The following KLHL29 variants were observed in gnomAD, a reference collection of about 807,000 sequenced individuals.
The protein encoded by KLHL29 is kelch-like protein 29.
KLHL29 carries 21 observed loss-of-function variants against 80.4 expected under a neutral mutation model. The observed-to-expected ratio is 0.26, with a 90% CI of 0.19 to 0.38. KLHL29 has a LOEUF of 0.38. Among genes scored for constraint, KLHL29 ranks in the 10% least tolerant of loss-of-function variants. KLHL29 has a pLI of 1.00. For synonymous variants in KLHL29, 511 were observed against 526.8 expected, an observed-to-expected ratio of 0.97 and a Z score of 0.41; for missense variants, 867 against 1,223.9, an observed-to-expected ratio of 0.71 and a Z score of 4.35.
At position 23,553,499 on chromosome 2, in the gene KLHL29, TACACGTGGCCCCTGCAA is replaced by T. The variant is rs1474600567; in HGVS notation, c.-45-8650_-45-8634del. On this transcript the variant is annotated intron_variant, in intron 2 of 13. Coordinates refer to ENST00000486442, the MANE Select transcript of KLHL29 (RefSeq NM_052920.2). ...GAGGCCTTGGGTCCAGGCTGGCACC[TACACGTGGCCCCTGCAA>T]ACCCCACATTTCATGTCCACTTGGA... Among the ~76,000 whole-genome samples, 5 of 152,324 alleles carry T rather than the reference TACACGTGGCCCCTGCAA, an allele frequency of 3.3e-5. No individual in the cohort carries two copies. In the South Asian group the frequency reaches 1.0e-3, roughly 32 times the overall value.
At chr2:23,632,024 T>G (rs940553813) in intron 3 of KLHL29, among the ~76,000 whole-genome samples, 1 of 152,190 alleles carries the variant, frequency 6.6e-6, no homozygotes, top group African/African-American at 2.4e-5. Context: ...GGCACATTTT[T>G]GGGTCCCTCG....
intron 1 of KLHL29, among the ~76,000 whole-genome samples, chr2:23,413,030 A>G (rs999063838): frequency 3.9e-4 from 60 of 152,034 alleles, no homozygotes; most frequent in African/African-American, 1.4e-3. Flanking sequence ...TCTTTGGGCA[A>G]TTTTCTCGTT....
intron 5 of KLHL29, among the ~76,000 whole-genome samples, chr2:23,671,740 A>G (rs547654504): frequency 4.3e-4 from 65 of 152,328 alleles, no homozygotes; most frequent in African/African-American, 1.5e-3. Flanking sequence ...CCGAATGGAA[A>G]GAGAGTAGGA....
intron 2 of KLHL29, among the ~76,000 whole-genome samples, chr2:23,542,910 C>A (rs1031473543): frequency 2.6e-5 from 4 of 152,170 alleles, no homozygotes; most frequent in Non-Finnish European, 5.9e-5. Flanking sequence ...AAGTCACTCC[C>A]AACTGTCTGA....
chr2:23,505,491 G>A (rs1212432796), intron 2 of KLHL29, among the ~76,000 whole-genome samples: 1 of 152,124 alleles, frequency 6.6e-6, no homozygotes, highest in Non-Finnish European at 1.5e-5. Flanking sequence ...CCATCTTTTT[G>A]TCCACATGTG....
intron 2 of KLHL29, among the ~76,000 whole-genome samples, chr2:23,556,567 C>T (rs1231036321): frequency 1.3e-5 from 2 of 151,764 alleles, no homozygotes; most frequent in Non-Finnish European, 2.9e-5. Context: ...GCAGGAGAAT[C>T]GCTTGAACCT....
intron 1 of KLHL29, among the ~76,000 whole-genome samples, chr2:23,386,958 G>T (rs948502487): frequency 1.3e-5 from 2 of 152,172 alleles, no homozygotes; most frequent in Non-Finnish European, 2.9e-5. Flanking sequence ...TGTCGTCCCT[G>T]GGCTGTGGAA....
At position 23,708,241 on chromosome 2, in the gene KLHL29, T is replaced by A. The variant is rs1352691388; in HGVS notation, c.*1577T>A. ...ATACCGAGCTTCGTTATGCAGTTTT[T>A]AATATTATTTATTATTTTAAAAAGT... On this transcript the variant is annotated 3_prime_UTR_variant, in exon 14 of 14. Coordinates refer to ENST00000486442, the MANE Select transcript of KLHL29 (RefSeq NM_052920.2). The A allele has an allele frequency of 6.6e-6, 1 of 151,578 alleles. No homozygotes were observed. The highest frequency in any genetic ancestry group is 2.4e-5 in the African/African-American group (1 of 40,834). The allele number at this position is 151,578 out of a possible 1,614,324, so 9.4% of individuals were successfully genotyped here.
chr2:23,548,060 C>T (rs1171692196), intron 2 of KLHL29, among the ~76,000 whole-genome samples: 5 of 94,250 alleles, frequency 5.3e-5, no homozygotes, highest in South Asian at 4.7e-4. Context: ...GTGGAACCCC[C>T]GGACTATGTC....
intron 2 of KLHL29, among the ~76,000 whole-genome samples, chr2:23,532,816 G>A (rs560223441): frequency 1.1e-4 from 17 of 152,292 alleles, no homozygotes; most frequent in South Asian, 8.3e-4. Flanking sequence ...ATCGAGGCGC[G>A]TTCAGGGTAA....
Position 23,562,069 on chromosome 2 carries a change from A to G in KLHL29, c.-45-83A>G, listed in dbSNP as rs1572402208. ...TGTTTGAAGGCCTGTTATTGAACCC[A>G]GAGAAGGGGCTTCATGGATGCTGTC... On this transcript the variant is annotated intron_variant, in intron 2 of 13. Coordinates refer to ENST00000486442, the MANE Select transcript of KLHL29 (RefSeq NM_052920.2). This position sits in a 1 kb window ranked among gnomAD's most constrained non-coding sequence, Gnocchi z 4.5. 6.6e-6 allele frequency: 7 copies of G among 1,061,274 alleles called. No homozygotes were observed. Among genetic ancestry groups the G allele is most frequent in the East Asian group, 2.6e-5 (1 of 38,520 alleles). The allele number at this position is 1,061,274 out of a possible 1,614,324, so 65.7% of individuals were successfully genotyped here.
intron 2 of KLHL29, among the ~76,000 whole-genome samples, chr2:23,544,534 A>G (rs1039060346): frequency 3.3e-5 from 5 of 152,226 alleles, no homozygotes; most frequent in Admixed American, 3.3e-4. Flanking sequence ...GCCCTTAGGG[A>G]ACTCACACTC....
At chr2:23,653,615 C>G (rs914803133) in intron 5 of KLHL29, among the ~76,000 whole-genome samples, 4 of 152,174 alleles carry the variant, frequency 2.6e-5, no homozygotes, top group Non-Finnish European at 5.9e-5. Flanking sequence ...GCAAGGTCAG[C>G]CAGGGCCACA....
intron 2 of KLHL29, among the ~76,000 whole-genome samples, chr2:23,540,610 T>C (rs1000257727): frequency 7.2e-5 from 11 of 152,230 alleles, no homozygotes; most frequent in Non-Finnish European, 1.2e-4. Context: ...CATAGAACTC[T>C]TTTGGTTGCA....
chr2:23,459,887 C>CT (rs1385153754), intron 1 of KLHL29, among the ~76,000 whole-genome samples: 1 of 152,102 alleles, frequency 6.6e-6, no homozygotes, highest in Non-Finnish European at 1.5e-5. Flanking sequence ...GAGTGATGGG[C>CT]TAAGGGGTGA....
chr2:23,482,530 G>A (rs1664824624), intron 2 of KLHL29, among the ~76,000 whole-genome samples: 1 of 152,170 alleles, frequency 6.6e-6, no homozygotes, highest in South Asian at 2.1e-4. Context: ...CATCCATCGG[G>A]GAAAGCACCA....
intron 2 of KLHL29, among the ~76,000 whole-genome samples, chr2:23,483,676 G>A (rs1558355159): frequency 1.3e-5 from 2 of 152,128 alleles, no homozygotes; most frequent in Non-Finnish European, 2.9e-5. Flanking sequence ...TCCTCTCCTG[G>A]ATCATGAGAG....
rs1425448407 is a variant in KLHL29, at chr2:23,706,982, T to C, written c.*318T>C. 1.3e-5 allele frequency: 3 copies of C among 237,652 alleles called. No homozygotes were observed. The highest frequency in any genetic ancestry group is 1.1e-4 in the South Asian group (1 of 8,824). The allele number at this position is 237,652 out of a possible 1,614,324, so 14.7% of individuals were successfully genotyped here. On this transcript the variant is annotated 3_prime_UTR_variant, in exon 14 of 14. Transcript: ENST00000486442. ...CAACTGGGAGAGAGAAGCTGTTTTT[T>C]CCTTCCTGCAGAGCAAGCTTGATCC...
intron 3 of KLHL29, among the ~76,000 whole-genome samples, chr2:23,630,554 G>A (rs887257320): frequency 1.3e-5 from 2 of 152,082 alleles, no homozygotes; most frequent in African/African-American, 4.8e-5. Context: ...TGCTATCTTG[G>A]CTCAATGCAA....
Sources: allele counts gnomAD v4.1 joint callset (sites outside exome capture counted in the v4.1 genomes callset), GRCh38; gene constraint gnomAD v4.1.1; non-coding constraint Gnocchi (gnomAD v3.1); transcripts MANE v1.5; gene names NCBI Gene and HGNC (gene_info 2026-07-23, HGNC 2026-07-21).